The following UBTD1 variants were observed in gnomAD, a reference collection of about 807,000 sequenced individuals.
UBTD1 encodes ubiquitin domain-containing protein 1.
A neutral mutation model predicts 21.7 loss-of-function variants in UBTD1; 19 were observed. The observed-to-expected ratio is 0.87, with a 90% confidence interval of 0.61 to 1.28. The LOEUF (loss-of-function observed/expected upper bound fraction) is 1.28. Among genes scored for constraint, UBTD1 ranks in the 50% most tolerant of loss-of-function variants. UBTD1 has a pLI of 0.00. For synonymous variants in UBTD1, 116 were observed against 135.1 expected, an observed-to-expected ratio of 0.86 and a Z score of 0.98; for missense variants, 282 against 315.1, an observed-to-expected ratio of 0.89 and a Z score of 0.80.
At chr10:97,549,034 C>T (rs17108062) in intron 1 of UBTD1, among the ~76,000 whole-genome samples, 2,607 of 152,298 alleles carry the variant, frequency 0.017, 80 homozygotes, top group African/African-American at 0.06. Flanking sequence ...TGAATGTGTA[C>T]GTTGTATGCA....
intron 1 of UBTD1, among the ~76,000 whole-genome samples, chr10:97,507,966 C>T (rs911253751): frequency 5.3e-5 from 8 of 152,112 alleles, no homozygotes; most frequent in Non-Finnish European, 1.0e-4. Context: ...AACCAAGTAG[C>T]CTGAATCTTA....
intron 1 of UBTD1, among the ~76,000 whole-genome samples, chr10:97,500,689 C>A (rs2040371266): frequency 6.6e-6 from 1 of 152,170 alleles, no homozygotes; most frequent in African/African-American, 2.4e-5. Flanking sequence ...CCTTTCTGAA[C>A]ACCCCTTTCC....
Position 97,499,270 on chromosome 10 carries a change from G to T in UBTD1, c.67G>T (p.Ala23Ser), listed in dbSNP as rs2040303001. 6.5e-7 allele frequency: 1 copy of T among 1,548,682 alleles called. No individual in the cohort carries two copies. Among genetic ancestry groups the T allele is most frequent in the African/African-American group, 1.4e-5 (1 of 72,816 alleles). ...PAAPGHPRKR[A>S]GRNEPLKKER... ...AGCCCCGGGACACCCCCGCAAGCGA[G>T]CAGGTAACGATGGGGAAGGGAGCAG... The change falls in exon 1 of 3, where the codon GCA (alanine) becomes TCA (serine). Residue 23 changes from alanine (A) to serine (S), a missense_variant. Physicochemically the swap from Ala to Ser is moderately conservative, Grantham distance 99. Transcript: ENST00000370664.
chr10:97,545,178 CAA>C (rs879722203), intron 1 of UBTD1, among the ~76,000 whole-genome samples: 2 of 134,208 alleles, frequency 1.5e-5, no homozygotes, highest in Non-Finnish European at 3.2e-5. Flanking sequence ...ACTAAAAATA[CAA>C]AAAAAAAAAA....
chr10:97,524,632 T>C (rs2040480261), intron 1 of UBTD1, among the ~76,000 whole-genome samples: 1 of 152,238 alleles, frequency 6.6e-6, no homozygotes, highest in African/African-American at 2.4e-5. Context: ...AGGGGTCTAA[T>C]GATACAGTGG....
At chr10:97,511,475 C>T (rs528241755) in intron 1 of UBTD1, among the ~76,000 whole-genome samples, 5 of 152,306 alleles carry the variant, frequency 3.3e-5, no homozygotes, top group South Asian at 4.1e-4. Context: ...GTCACTGCCA[C>T]TCATGACTAG....
chr10:97,564,049 T>C (rs1258888068), intron 1 of UBTD1, among the ~76,000 whole-genome samples: 1 of 152,006 alleles, frequency 6.6e-6, no homozygotes, highest in Non-Finnish European at 1.5e-5. Context: ...CGGATGGCAG[T>C]TGGGGTACTA....
intron 1 of UBTD1, among the ~76,000 whole-genome samples, chr10:97,559,551 G>A (rs966643371): frequency 4.6e-5 from 7 of 152,042 alleles, no homozygotes; most frequent in South Asian, 2.1e-4. Flanking sequence ...AATATTTCTT[G>A]TATGATTTTT....
chr10:97,570,660 C>G lies in UBTD1; in HGVS notation c.*137C>G, dbSNP rs2040743533. Reference sequence around the variant, plus strand: ...GTGGGTGAGCCGTGAAGGGACCCTGCCTTTCAGGGCACTACGCGCCACCAG... The same window carrying G: ...GTGGGTGAGCCGTGAAGGGACCCTGGCTTTCAGGGCACTACGCGCCACCAG... On this transcript the variant is annotated 3_prime_UTR_variant, in exon 3 of 3. Transcript: ENST00000370664. This position sits in a 1 kb window ranked among gnomAD's most constrained non-coding sequence, Gnocchi z 6.6. 6.4e-6 allele frequency: 7 copies of G among 1,100,590 alleles called. No individual in the cohort carries two copies. In the South Asian group the frequency reaches 1.1e-4, roughly 18 times the overall value. The allele number at this position is 1,100,590 out of a possible 1,614,324, so 68.2% of individuals were successfully genotyped here.
At chr10:97,529,171 C>CTGG (rs2040512412) in intron 1 of UBTD1, among the ~76,000 whole-genome samples, 4 of 151,724 alleles carry the variant, frequency 2.6e-5, no homozygotes, top group Non-Finnish European at 5.9e-5. Flanking sequence ...CGATGGGCGG[C>CTGG]CGGGCAGAGA....
At chr10:97,556,085 C>T (rs567258175) in intron 1 of UBTD1, among the ~76,000 whole-genome samples, 10 of 152,074 alleles carry the variant, frequency 6.6e-5, no homozygotes, top group Non-Finnish European at 1.0e-4. Flanking sequence ...AAGGTAGTGA[C>T]GAAGTTTTTT....
chr10:97,503,740 C>T (rs1270601918), intron 1 of UBTD1, among the ~76,000 whole-genome samples: 3 of 152,174 alleles, frequency 2.0e-5, no homozygotes, highest in East Asian at 1.9e-4. Flanking sequence ...TGTGAACAGA[C>T]GTGGTCCTTG....
At chr10:97,561,440 G>A (rs999086441) in intron 1 of UBTD1, among the ~76,000 whole-genome samples, 3 of 152,164 alleles carry the variant, frequency 2.0e-5, no homozygotes, top group African/African-American at 7.2e-5. Context: ...CTCCCTGAAT[G>A]CACAATTTCT....
chr10:97,539,564 C>G (rs189073718), intron 1 of UBTD1, among the ~76,000 whole-genome samples: 2 of 151,356 alleles, frequency 1.3e-5, no homozygotes, highest in East Asian at 3.9e-4. Flanking sequence ...CCGTGCACTC[C>G]AGCCTGGGTG....
chr10:97,536,661 G>A (rs888267458), intron 1 of UBTD1, among the ~76,000 whole-genome samples: 11 of 152,088 alleles, frequency 7.2e-5, no homozygotes, highest in African/African-American at 1.9e-4. Flanking sequence ...TTATCCTGCC[G>A]GCCTGCACAC....
At chr10:97,506,732 G>C (rs138211558) in intron 1 of UBTD1, among the ~76,000 whole-genome samples, 1 of 152,116 alleles carries the variant, frequency 6.6e-6, no homozygotes, top group East Asian at 1.9e-4. Context: ...GACTACTCTG[G>C]ATACCTCATA....
chr10:97,546,136 T>C (rs2040609683), intron 1 of UBTD1, among the ~76,000 whole-genome samples: 1 of 152,214 alleles, frequency 6.6e-6, no homozygotes, highest in African/African-American at 2.4e-5. Flanking sequence ...TAGGCTTCTT[T>C]GTGGCATGGT....
intron 1 of UBTD1, among the ~76,000 whole-genome samples, chr10:97,531,819 C>G (rs2040533600): frequency 6.6e-6 from 1 of 152,190 alleles, no homozygotes; most frequent in South Asian, 2.1e-4. Context: ...CTGTGGTTTC[C>G]AGGTCCCCAG....
intron 1 of UBTD1, among the ~76,000 whole-genome samples, chr10:97,567,187 C>T (rs2040721130): frequency 6.6e-6 from 1 of 151,850 alleles, no homozygotes; most frequent in African/African-American, 2.4e-5. Context: ...TCTCCCATCT[C>T]AGCCTCCCAA....
Sources: gnomAD v4.1 joint callset for allele counts (sites outside exome capture counted in the v4.1 genomes callset) on GRCh38, gnomAD v4.1.1 for gene constraint, Gnocchi (gnomAD v3.1) non-coding constraint, MANE v1.5 for transcripts, NCBI Gene and HGNC (gene_info 2026-07-23, HGNC 2026-07-21) for gene names.